ITGA8: variants seen among roughly 807,000 people sequenced by gnomAD.
ITGA8 encodes the protein integrin alpha-8.
A neutral mutation model predicts 142.3 loss-of-function variants in ITGA8; 91 were observed. That is an observed-to-expected ratio of 0.64 (90% confidence interval 0.54 to 0.76). The LOEUF (loss-of-function observed/expected upper bound fraction) is 0.76. Ranked by LOEUF, ITGA8 falls within the 30% of genes least tolerant of loss-of-function variation. The pLI, the probability that ITGA8 is intolerant of heterozygous loss-of-function variation, is 0.00. For missense variants in ITGA8, 1,406 were observed against 1,327.7 expected, an observed-to-expected ratio of 1.06 and a Z score of -0.92; for synonymous variants, 505 against 485.2, an observed-to-expected ratio of 1.04 and a Z score of -0.54.
intron 17 of ITGA8, 150 bp downstream of exon 17, chr10:15,607,527 T>C: frequency 1.4e-6 from 1 of 706,578 alleles, no homozygotes; most frequent in Admixed American, 2.2e-5. Flanking sequence ...AAGAGGAGAG[T>C]ATTTGACCCT....
chr10:15,696,653 T>C (rs1049317210), intron 2 of ITGA8, among the ~76,000 whole-genome samples: 4 of 152,136 alleles, frequency 2.6e-5, no homozygotes, highest in African/African-American at 9.7e-5. Flanking sequence ...CATATCCTAA[T>C]TTTATATGTA....
At chr10:15,644,475 TATATATATATATATATAGAA>T (rs1564388944) in intron 12 of ITGA8, among the ~76,000 whole-genome samples, 6 of 23,716 alleles carry the variant, frequency 2.5e-4, no homozygotes, top group East Asian at 2.0e-3. Context: ...TATATATATA[TATATATATATATATATAGAA>T]TTTTTTTTTT....
Position 15,522,074 on chromosome 10 carries a change from A to C in ITGA8, c.2983-2662T>G, listed in dbSNP as rs1833082694. Among the ~76,000 whole-genome samples, 4 of 152,330 alleles carry C rather than the reference A, an allele frequency of 2.6e-5. No individual in the cohort carries two copies. The South Asian group carries it at 8.3e-4, about 32-fold the overall frequency. On this transcript the variant is annotated intron_variant, in intron 28 of 29. Transcript: ENST00000378076. ...TTAACAATAATTTATTATCTATTTC[A>C]AAATAGCCAGAAGAGATTTGAAATG...
chr10:15,538,333 T>G lies in ITGA8; in HGVS notation c.2881-7182A>C, dbSNP rs973550748. 2.6e-5 allele frequency among the ~76,000 whole-genome samples: 4 copies of G among 151,930 alleles called. No homozygotes were observed. The South Asian group carries it at 8.3e-4, about 32-fold the overall frequency. ...TTCAAGACCAGCCTGGCCAACATGG[T>G]GAAACTCCGTCTCTACTAAAATACA... On this transcript the variant is annotated intron_variant, in intron 27 of 29. Coordinates refer to ENST00000378076, the MANE Select transcript of ITGA8 (RefSeq NM_003638.3).
chr10:15,594,652 A>C (rs909751447), intron 21 of ITGA8, among the ~76,000 whole-genome samples: 1 of 152,056 alleles, frequency 6.6e-6, no homozygotes, highest in Non-Finnish European at 1.5e-5. Flanking sequence ...TGTGGTGGTG[A>C]GTGCCTGTAA....
At chr10:15,582,116 G>C (rs1319114908) in intron 23 of ITGA8, among the ~76,000 whole-genome samples, 1 of 152,174 alleles carries the variant, frequency 6.6e-6, no homozygotes, top group African/African-American at 2.4e-5. Context: ...GCGCATGCCA[G>C]TAGTCCCAGC....
At chr10:15,557,623 G>A (rs1833908695) in intron 26 of ITGA8, among the ~76,000 whole-genome samples, 1 of 152,150 alleles carries the variant, frequency 6.6e-6, no homozygotes, top group African/African-American at 2.4e-5. Context: ...AAAGTGCTGG[G>A]ATTACAGGTG....
Position 15,719,872 on chromosome 10 carries a change from T to A in ITGA8, c.-101A>T. 1.1e-6 allele frequency: 1 copy of A among 934,680 alleles called. No homozygotes were observed. The highest frequency in any genetic ancestry group is 1.4e-6 in the Non-Finnish European group (1 of 706,024). 57.9% of individuals were successfully genotyped at this position (934,680 alleles called of 1,614,324 possible). A position where few individuals can be genotyped will look rare whatever the true frequency, so the allele number is the denominator to read the frequency against. ...GAATCTGGCGGTCCCCAGCTGCCCG[T>A]GTCCCGGGTCGGTGCGCTCGGCGCA... On this transcript the variant is annotated 5_prime_UTR_variant, in exon 1 of 30. Coordinates refer to ENST00000378076, the MANE Select transcript of ITGA8 (RefSeq NM_003638.3).
In ITGA8 at chr10:15,597,220, A is replaced by G; in HGVS notation, c.2198T>C (p.Val733Ala). ...MVVCDLGNPM[V>A]SGTNYSLGLR... Reference sequence around the variant, plus strand: ...GTTCTCTCTTACATTTGTTCCAGACACCATAGGGTTCCCAAGGTCACACAC... The same window carrying G: ...GTTCTCTCTTACATTTGTTCCAGACGCCATAGGGTTCCCAAGGTCACACAC... The change falls in exon 21 of 30, where the codon GTG (valine) becomes GCG (alanine). Residue 733 changes from valine to alanine, a missense_variant. Transcript: ENST00000378076. 1 of 1,613,328 alleles carries G rather than the reference A, an allele frequency of 6.2e-7. No homozygotes were observed. The highest frequency in any genetic ancestry group is 8.5e-7 in the Non-Finnish European group (1 of 1,179,282).
intron 6 of ITGA8, 28 bp from the exon 7 acceptor site, chr10:15,672,777 C>A: frequency 6.4e-7 from 1 of 1,558,920 alleles, no homozygotes. Flanking sequence ...AATACGTTAA[C>A]TGAATGAAAG....
At chr10:15,710,034 T>C (rs183987598) in intron 2 of ITGA8, among the ~76,000 whole-genome samples, 23 of 152,338 alleles carry the variant, frequency 1.5e-4, no homozygotes, top group Admixed American at 7.2e-4. Flanking sequence ...TACAGCACTT[T>C]AGTGAACTCA....
chr10:15,592,640 C>T (rs915405249), intron 21 of ITGA8, among the ~76,000 whole-genome samples: 35 of 152,120 alleles, frequency 2.3e-4, no homozygotes, highest in Admixed American at 1.2e-3. Flanking sequence ...GGTCTCGCTC[C>T]GTCACCCAGG....
chr10:15,628,602 G>T (rs761063387), intron 13 of ITGA8, among the ~76,000 whole-genome samples: 24 of 151,688 alleles, frequency 1.6e-4, no homozygotes, highest in Non-Finnish European at 3.1e-4. Flanking sequence ...AAAGTGCTGG[G>T]ATTACAGGTG....
intron 28 of ITGA8, among the ~76,000 whole-genome samples, chr10:15,524,675 C>G (rs1336374880): frequency 6.6e-6 from 1 of 152,180 alleles, no homozygotes; most frequent in Non-Finnish European, 1.5e-5. Context: ...AAACTAGAGA[C>G]TTGACTGCAT....
intron 11 of ITGA8, among the ~76,000 whole-genome samples, chr10:15,649,995 A>C (rs367859254): frequency 1.3e-5 from 2 of 152,236 alleles, no homozygotes; most frequent in Non-Finnish European, 2.9e-5. Flanking sequence ...ATGCACAAAA[A>C]TGTGCATAGA....
At chr10:15,567,214 T>C (rs1834096425) in intron 25 of ITGA8, among the ~76,000 whole-genome samples, 4 of 152,032 alleles carry the variant, frequency 2.6e-5, no homozygotes, top group Admixed American at 2.6e-4. Context: ...ATGAAACTTT[T>C]GGCTCCTCAA....
chr10:15,647,634 T>C (rs1426515617), intron 11 of ITGA8, among the ~76,000 whole-genome samples: 5 of 151,214 alleles, frequency 3.3e-5, no homozygotes, highest in Non-Finnish European at 7.4e-5. Flanking sequence ...GGCTAATTTT[T>C]TGTATTTTTA....
intron 26 of ITGA8, among the ~76,000 whole-genome samples, chr10:15,550,806 G>A (rs1482690530): frequency 2.0e-5 from 3 of 151,984 alleles, no homozygotes; most frequent in African/African-American, 4.8e-5. Context: ...TATTGATCAG[G>A]TTTGTATTTT....
Position 15,515,092 on chromosome 10 carries a change from TC to T in ITGA8, c.*2065del, listed in dbSNP as rs954506693. ...GGAGCTAATCTCTATTGGTCACAGATCAGCCAGGATCACCAGATTCAGGGCA... is the reference window on the plus strand; with the variant it reads ...GGAGCTAATCTCTATTGGTCACAGATAGCCAGGATCACCAGATTCAGGGCA... On this transcript the variant is annotated 3_prime_UTR_variant, in exon 30 of 30. Transcript: ENST00000378076. 2 of 152,200 alleles carry T rather than the reference TC, an allele frequency of 1.3e-5. No homozygotes were observed. Among genetic ancestry groups the T allele is most frequent in the African/African-American group, 4.8e-5 (2 of 41,442 alleles). The allele number at this position is 152,200 out of a possible 1,614,324, so 9.4% of individuals were successfully genotyped here.
Sources: gnomAD v4.1 joint callset for allele counts (sites outside exome capture counted in the v4.1 genomes callset) on GRCh38, gnomAD v4.1.1 for gene constraint, MANE v1.5 for transcripts, NCBI Gene and HGNC (gene_info 2026-07-23, HGNC 2026-07-21) for gene names.